CEP44: variants seen among roughly 807,000 people sequenced by gnomAD.
CEP44 encodes the protein centrosomal protein 44.
In CEP44, 45 loss-of-function variants were observed where a neutral mutation model predicts 46.7. That is an observed-to-expected ratio of 0.96 (90% CI 0.76 to 1.24). CEP44 has a LOEUF of 1.24. Ranked by LOEUF, CEP44 falls within the 50% of genes most tolerant of loss-of-function variation. CEP44 has a pLI of 0.00. For synonymous variants in CEP44, 142 were observed against 146.0 expected (o/e 0.97, Z 0.20); for missense variants, 475 against 459.7 (o/e 1.03, Z -0.30).
Position 174,331,444 on chromosome 4 carries a change from A to G in CEP44, c.1087-38A>G. The G allele has an allele frequency of 1.3e-6, 2 of 1,548,516 alleles. No individual in the cohort carries two copies. Among genetic ancestry groups the G allele is most frequent in the South Asian group, 1.2e-5 (1 of 83,798 alleles). On this transcript the variant is annotated intron_variant, in intron 8 of 8. Coordinates refer to the CEP44 transcript ENST00000426172. The surrounding 1 kb of genome is among the most constrained non-coding windows in gnomAD (Gnocchi z 4.5). ...CTACCCATTCTGCCAATGCATTTAG[A>G]TCATATTTTAATGTATAATTTTGTG...
rs199536032 is a variant in CEP44, at chr4:174,326,701, T to C, written c.1087-4781T>C. 5.5e-3 allele frequency among the ~76,000 whole-genome samples: 831 copies of C among 152,168 alleles called. 8 individuals are homozygous for C. The highest frequency in any genetic ancestry group is 8.4e-3 in the Non-Finnish European group (573 of 67,932). ...TGTAATACTAGTTGCTGGTGATGAATTCTGGAAAAGTCTTTATTTCACCTT... is the reference window on the plus strand; with the variant it reads ...TGTAATACTAGTTGCTGGTGATGAACTCTGGAAAAGTCTTTATTTCACCTT... On this transcript the variant is annotated intron_variant, in intron 8 of 8. Coordinates refer to the CEP44 transcript ENST00000426172. The surrounding 1 kb of genome is among the most constrained non-coding windows in gnomAD (Gnocchi z 4.8).
chr4:174,317,531 T>C lies in CEP44; in HGVS notation c.*148T>C. Reference sequence around the variant, plus strand: ...GGTATATGAATTTTTGCATTCATTATTGAATAACTCTTTTAATATTTTTGA... The same window carrying C: ...GGTATATGAATTTTTGCATTCATTACTGAATAACTCTTTTAATATTTTTGA... On this transcript the variant is annotated 3_prime_UTR_variant, in exon 12 of 12. Coordinates refer to ENST00000503780, the MANE Select transcript of CEP44 (RefSeq NM_001040157.3). 8.3e-7 allele frequency: 1 copy of C among 1,199,612 alleles called. No homozygotes were observed. The highest frequency in any genetic ancestry group is 1.0e-6 in the Non-Finnish European group (1 of 956,440). 74.3% of individuals were successfully genotyped at this position (1,199,612 alleles called of 1,614,324 possible).
In CEP44 at chr4:174,309,206, T is replaced by C. The variant is rs928001368; in HGVS notation, c.678+347T>C. 3.3e-5 allele frequency among the ~76,000 whole-genome samples: 5 copies of C among 152,100 alleles called. No homozygotes were observed. Among genetic ancestry groups the C allele is most frequent in the African/African-American group, 1.2e-4 (5 of 41,438 alleles). On this transcript the variant is annotated intron_variant, in intron 7 of 11. Transcript: ENST00000503780. This position sits in a 1 kb window ranked among gnomAD's most constrained non-coding sequence, Gnocchi z 5.3. ...TTTCTTTATTGGTGAATGGAAAAGATTGGCACTTTATTGCCTATTCATTTT... is the reference window on the plus strand; with the variant it reads ...TTTCTTTATTGGTGAATGGAAAAGACTGGCACTTTATTGCCTATTCATTTT...
At chr4:174,324,338 T>C (rs1203376307), downstream of CEP44, among the ~76,000 whole-genome samples, 1 of 152,168 alleles carries the variant, frequency 6.6e-6, no homozygotes, top group Non-Finnish European at 1.5e-5. Flanking sequence ...TTCCATTTTA[T>C]AAATCTGCTA....
intron 3 of CEP44, 30 bp downstream of exon 3, chr4:174,299,240 T>G (rs1041643573): frequency 6.5e-7 from 1 of 1,545,644 alleles, no homozygotes. Flanking sequence ...TTAATTGTAT[T>G]CTTCTTGCTA....
Position 174,325,870 on chromosome 4 carries a change from A to G in CEP44, c.1087-5612A>G, listed in dbSNP as rs1309355644. 3.3e-5 allele frequency among the ~76,000 whole-genome samples: 5 copies of G among 152,056 alleles called. No individual in the cohort carries two copies. Among genetic ancestry groups the G allele is most frequent in the African/African-American group, 7.2e-5 (3 of 41,412 alleles). ...CTGGTAATATTCTCTCCTGATATCT[A>G]TGTTGTCTGACAGCTATTCCAGATT... On this transcript the variant is annotated intron_variant, in intron 8 of 8. Coordinates refer to the CEP44 transcript ENST00000426172. This position sits in a 1 kb window ranked among gnomAD's most constrained non-coding sequence, Gnocchi z 4.4.
chr4:174,299,607 T>C (rs1375034281), intron 3 of CEP44, among the ~76,000 whole-genome samples: 1 of 152,240 alleles, frequency 6.6e-6, no homozygotes, highest in Non-Finnish European at 1.5e-5. Context: ...TGTCAGTCTT[T>C]TCTTATCATT....
chr4:174,305,956 T>C (rs889151849), intron 6 of CEP44, among the ~76,000 whole-genome samples: 1 of 152,198 alleles, frequency 6.6e-6, no homozygotes, highest in Non-Finnish European at 1.5e-5. Flanking sequence ...CTTTGTTATC[T>C]ATTAAAATTT....
At chr4:174,320,912 A>T (rs1742273550), downstream of CEP44, among the ~76,000 whole-genome samples, 2 of 152,150 alleles carry the variant, frequency 1.3e-5, no homozygotes, top group Non-Finnish European at 2.9e-5. Flanking sequence ...TCGAAGAAAC[A>T]TAGTAAGAGT....
rs1741195411 is a variant in CEP44, at chr4:174,312,464, A to G, written c.961+1606A>G. Among the ~76,000 whole-genome samples the G allele has an allele frequency of 6.6e-6, 1 of 151,590 alleles. No individual in the cohort carries two copies. The highest frequency in any genetic ancestry group is 6.6e-5 in the Admixed American group (1 of 15,192). On this transcript the variant is annotated intron_variant, in intron 9 of 11. Coordinates refer to ENST00000503780, the MANE Select transcript of CEP44 (RefSeq NM_001040157.3). This position sits in a 1 kb window ranked among gnomAD's most constrained non-coding sequence, Gnocchi z 4.5. ...TGCCACCACACCTGGATAATTTTTT[A>G]TTTATTTACATACTGTTTTTAGTAA... is the stretch of plus-strand genomic sequence containing the variant.
chr4:174,284,301 T>G (rs183892397), intron 1 of CEP44: 120 of 373,732 alleles, frequency 3.2e-4, no homozygotes, highest in Non-Finnish European at 5.2e-4. Context: ...TATACCCAAC[T>G]AGTATATGCT....
chr4:174,324,978 G>A (rs1742565566), downstream of CEP44, among the ~76,000 whole-genome samples: 2 of 152,124 alleles, frequency 1.3e-5, no homozygotes, highest in South Asian at 4.1e-4. Context: ...AGTTTCATCT[G>A]CGTTGTGCTG....
Position 174,310,631 on chromosome 4 carries a change from G to A in CEP44, c.886-152G>A. ...TATTTAAAACATTTCTTATATGTAG[G>A]AATATGCAGTATATGTATTGCTTTA... On this transcript the variant is annotated intron_variant, in intron 8 of 11. Coordinates refer to ENST00000503780, the MANE Select transcript of CEP44 (RefSeq NM_001040157.3). This position sits in a 1 kb window ranked among gnomAD's most constrained non-coding sequence, Gnocchi z 4.2. 2 of 439,778 alleles carry A rather than the reference G, an allele frequency of 4.5e-6. No homozygotes were observed. The highest frequency in any genetic ancestry group is 7.9e-6 in the Non-Finnish European group (2 of 251,650). The allele number at this position is 439,778 out of a possible 1,614,324, so 27.2% of individuals were successfully genotyped here. A position where few individuals can be genotyped will look rare whatever the true frequency, so the allele number is the denominator to read the frequency against.
At chr4:174,324,780 C>A (rs887172538), downstream of CEP44, among the ~76,000 whole-genome samples, 1 of 152,086 alleles carries the variant, frequency 6.6e-6, no homozygotes, top group Non-Finnish European at 1.5e-5. Context: ...TCCATGCCAG[C>A]TGTGAAATTG....
chr4:174,303,764 G>A lies in CEP44; in HGVS notation c.299G>A (p.Gly100Glu), dbSNP rs1451302936. 6.4e-7 allele frequency: 1 copy of A among 1,569,380 alleles called. No homozygotes were observed. Among genetic ancestry groups the A allele is most frequent in the South Asian group, 1.2e-5 (1 of 86,312 alleles). The change falls in exon 5 of 12, where the codon GGG (glycine) becomes GAG (glutamate). Residue 100 changes from glycine to glutamate, a missense_variant. Transcript: ENST00000503780. The stretch of plus-strand genomic sequence containing the variant: ...ACAAAAAAGCAGTTTATCCAATGTG[G>A]GTTTGCAGAATGGAAAATCCAAATT... ...ILTKKQFIQC[G>E]FAEWKIQIVC... is the part of the protein sequence containing the mutation.
intron 1 of CEP44, among the ~76,000 whole-genome samples, chr4:174,294,673 C>T (rs1422800853): frequency 6.7e-6 from 1 of 149,342 alleles, no homozygotes; most frequent in Non-Finnish European, 1.5e-5. Context: ...GGGCGGGGGG[C>T]TGACCCCCCT....
rs976710760 is a variant in CEP44 at position 174,312,303 on chromosome 4, G to A, written c.961+1445G>A. On this transcript the variant is annotated intron_variant, in intron 9 of 11. Transcript: ENST00000503780. This position sits in a 1 kb window ranked among gnomAD's most constrained non-coding sequence, Gnocchi z 4.5. ...TAATTTTTTAATTTTTTTGAGATAA[G>A]TGTGGTCTTACTCTGCTGCTCAGGC... is the stretch of plus-strand genomic sequence containing the variant. Among the ~76,000 whole-genome samples the A allele has an allele frequency of 2.0e-5, 3 of 150,264 alleles. No homozygotes were observed. Among genetic ancestry groups the A allele is most frequent in the African/African-American group, 4.9e-5 (2 of 40,806 alleles).
intron 5 of CEP44, 144 bp downstream of exon 5, chr4:174,303,993 A>C (rs1740068005): frequency 1.4e-6 from 1 of 729,402 alleles, no homozygotes; most frequent in African/African-American, 1.8e-5. Flanking sequence ...AACCTTATAA[A>C]GCTTGTTGTT....
chr4:174,304,121 C>A, intron 5 of CEP44, 126 bp from the exon 6 acceptor site: 1 of 1,151,244 alleles, frequency 8.7e-7, no homozygotes, highest in Non-Finnish European at 1.2e-6. Flanking sequence ...GTCATGTAGT[C>A]TCATTAGAGT....
Sources: allele counts gnomAD v4.1 joint callset (sites outside exome capture counted in the v4.1 genomes callset), GRCh38; gene constraint gnomAD v4.1.1; non-coding constraint Gnocchi (gnomAD v3.1); transcripts MANE v1.5; gene names NCBI Gene and HGNC (gene_info 2026-07-23, HGNC 2026-07-21).